CACNA1H: variants seen among roughly 807,000 people sequenced by gnomAD.
CACNA1H encodes the protein voltage-dependent T-type calcium channel subunit alpha-1H.
In CACNA1H, 149 loss-of-function variants were observed where a neutral mutation model predicts 192.5. That is an observed-to-expected ratio of 0.77 (90% CI 0.68 to 0.89). The LOEUF (loss-of-function observed/expected upper bound fraction) is 0.89. Ranked by LOEUF, CACNA1H falls within the 40% of genes least tolerant of loss-of-function variation. The pLI is 0.00. For missense variants in CACNA1H, 4,257 were observed against 3,423.5 expected, an observed-to-expected ratio of 1.24 and a Z score of -6.08; for synonymous variants, 2,202 against 1,475.2, an observed-to-expected ratio of 1.49 and a Z score of -11.29.
intron 3 of CACNA1H, 123 bp downstream of exon 3, chr16:1,195,206 G>T (rs959194883): frequency 5.7e-6 from 4 of 696,270 alleles, no homozygotes; most frequent in Non-Finnish European, 4.5e-6. Context: ...CAGGGTCGGG[G>T]ATCAGGGCGA....
chr16:1,162,224 A>T (rs776771376), intron 2 of CACNA1H, among the ~76,000 whole-genome samples: 3 of 151,972 alleles, frequency 2.0e-5, no homozygotes, highest in Non-Finnish European at 4.4e-5. Context: ...CCAAGAGGCC[A>T]TTGCTGTCTG....
intron 5 of CACNA1H, among the ~76,000 whole-genome samples, chr16:1,197,116 G>A (rs145104914): frequency 1.4e-4 from 21 of 152,308 alleles, no homozygotes; most frequent in East Asian, 9.7e-4. Flanking sequence ...TCCTCGTGCC[G>A]CTGGTCCCTG....
intron 2 of CACNA1H, among the ~76,000 whole-genome samples, chr16:1,183,416 C>G (rs1000879237): frequency 2.6e-5 from 4 of 152,212 alleles, no homozygotes; most frequent in Admixed American, 2.0e-4. Flanking sequence ...GCCCCTCCCC[C>G]CAGCCCTGAC....
In CACNA1H at chr16:1,210,361, C is replaced by CCCCCCCCCCCT; in HGVS notation, c.3846-7_3846-6insCCCCCCCCTCC. On this transcript the variant is annotated splice_polypyrimidine_tract_variant and intron_variant, in intron 18 of 34. Transcript: ENST00000348261. ...CCGCCCCACCTCTCACCCGCCCCCG[C>CCCCCCCCCCCT]CCACCCAGGTTCCGCGTCTCCTGCC... 6.7e-7 allele frequency: 1 copy of CCCCCCCCCCCT among 1,500,790 alleles called. No homozygotes were observed. The highest frequency in any genetic ancestry group is 9.0e-7 in the Non-Finnish European group (1 of 1,112,382). The allele number at this position is 1,500,790 out of a possible 1,614,324, so 93.0% of individuals were successfully genotyped here.
At chr16:1,157,922 C>T (rs942673276) in intron 2 of CACNA1H, 3 of 152,258 alleles carry the variant, frequency 2.0e-5, no homozygotes, top group Non-Finnish European at 2.9e-5. Context: ...CGGCTTCTCT[C>T]GGCCGTGCTA....
chr16:1,157,541 G>GGC (rs1169530401), intron 2 of CACNA1H: 1 of 152,238 alleles, frequency 6.6e-6, no homozygotes, highest in East Asian at 1.9e-4. Flanking sequence ...AGTGTGAGAG[G>GGC]GCACCCGTCT....
At chr16:1,210,547 G>T in intron 19 of CACNA1H, 36 bp from the exon 20 acceptor site, 1 of 1,610,296 alleles carries the variant, frequency 6.2e-7, no homozygotes. Flanking sequence ...GGGAGGGGTG[G>T]AGTGGACACA....
chr16:1,182,664 C>T (rs1036355258), intron 2 of CACNA1H, among the ~76,000 whole-genome samples: 1 of 152,140 alleles, frequency 6.6e-6, no homozygotes, highest in African/African-American at 2.4e-5. Flanking sequence ...GGTGAAAGCT[C>T]TGGGCAGGCT....
intron 2 of CACNA1H, among the ~76,000 whole-genome samples, chr16:1,164,610 G>A (rs370568018): frequency 2.1e-4 from 32 of 152,372 alleles, no homozygotes; most frequent in East Asian, 1.7e-3. Flanking sequence ...GGTGCCGAGC[G>A]TGGCTACACC....
chr16:1,201,624 G>T, intron 8 of CACNA1H, 39 bp from the exon 9 acceptor site: 2 of 1,518,962 alleles, frequency 1.3e-6, no homozygotes, highest in East Asian at 4.8e-5. Context: ...TCAGAGACTC[G>T]CTCACTCACT....
At chr16:1,204,825 T>TG (rs1266448239) in intron 10 of CACNA1H, among the ~76,000 whole-genome samples, 2 of 63,618 alleles carry the variant, frequency 3.1e-5, no homozygotes, top group African/African-American at 1.4e-4. Context: ...GAGCCGCGGG[T>TG]GGGGCCCCAG....
At chr16:1,181,445 G>A (rs1965455413) in intron 2 of CACNA1H, among the ~76,000 whole-genome samples, 2 of 152,230 alleles carry the variant, frequency 1.3e-5, no homozygotes, top group African/African-American at 4.8e-5. Context: ...TCCAGTTCCG[G>A]CAGAACATCC....
At position 1,215,304 on chromosome 16, in the gene CACNA1H, T is replaced by G; in HGVS notation, c.5102T>G (p.Ile1701Arg). The change falls in exon 29 of 35, where the codon ATA becomes AGA. Residue 1701 changes from isoleucine (I) to arginine (R), a missense_variant. By Grantham distance (97) the Ile-to-Arg change is moderately conservative (BLOSUM62 -3). Coordinates refer to ENST00000348261, the MANE Select transcript of CACNA1H (RefSeq NM_021098.3). ...CTCATGGGCATCACGCTGGAGGAGA[T>G]AGAGATGAGCGCCGCGCTGCCCATC... ...LSLMGITLEE[I>R]EMSAALPINP... is the part of the protein sequence containing the mutation. 2 of 1,610,490 alleles carry G rather than the reference T, an allele frequency of 1.2e-6. No individual in the cohort carries two copies. Among genetic ancestry groups the G allele is most frequent in the East Asian group, 2.2e-5 (1 of 44,806 alleles).
At chr16:1,201,169 G>T (rs1967837506) in intron 8 of CACNA1H, among the ~76,000 whole-genome samples, 1 of 152,158 alleles carries the variant, frequency 6.6e-6, no homozygotes, top group Non-Finnish European at 1.5e-5. Context: ...GGGTTAATCA[G>T]GCCGCAGACG....
intron 2 of CACNA1H, among the ~76,000 whole-genome samples, chr16:1,162,932 A>G (rs1963369150): frequency 6.6e-6 from 1 of 152,038 alleles, no homozygotes; most frequent in Non-Finnish European, 1.5e-5. Flanking sequence ...TCTCACGGCC[A>G]CTCCACGGGT....
At chr16:1,202,495 A>AG (rs1968081229) in intron 9 of CACNA1H, 43 bp downstream of exon 9, 2 of 1,438,500 alleles carry the variant, frequency 1.4e-6, no homozygotes, top group South Asian at 2.9e-5. Flanking sequence ...GGTGGGACCT[A>AG]GGCAGGGCGG....
rs542411662 is a variant in CACNA1H, at chr16:1,218,060, C to G, written c.5445+20C>G. ...ATGAAGGTACCCGCCGCGGCCATGC[C>G]TCTGGCACCTGGCAGCCCCAGCGGT... On this transcript the variant is annotated intron_variant, in intron 32 of 34. Transcript: ENST00000348261. 231 of 1,592,540 alleles carry G rather than the reference C, an allele frequency of 1.5e-4. No individual in the cohort carries two copies. In the South Asian group the frequency reaches 2.5e-3, roughly 17 times the overall value.
intron 2 of CACNA1H, among the ~76,000 whole-genome samples, chr16:1,179,349 G>A (rs1009024106): frequency 1.6e-4 from 25 of 152,178 alleles, no homozygotes; most frequent in South Asian, 6.2e-4. Context: ...ACCAGGCATC[G>A]GGGATTGGGG....
At chr16:1,214,513 A>G in intron 27 of CACNA1H, among the ~76,000 whole-genome samples, 1 of 152,108 alleles carries the variant, frequency 6.6e-6, no homozygotes, top group Middle Eastern at 3.2e-3. Flanking sequence ...TCCCAGGTCC[A>G]TCTGGGCAGT....
Sources: gnomAD v4.1 joint callset for allele counts (sites outside exome capture counted in the v4.1 genomes callset) on GRCh38, gnomAD v4.1.1 for gene constraint, MANE v1.5 for transcripts, NCBI Gene and HGNC (gene_info 2026-07-23, HGNC 2026-07-21) for gene names.